The following USP13 variants were observed in gnomAD, a reference collection of about 807,000 sequenced individuals.
USP13 encodes the protein ubiquitin carboxyl-terminal hydrolase 13.
In USP13, 68 loss-of-function variants were observed where a neutral mutation model predicts 107.8. The ratio of observed to expected loss-of-function variants is 0.63; its 90% confidence interval spans 0.52 to 0.77. The LOEUF (loss-of-function observed/expected upper bound fraction) is 0.77, where lower values mean the gene tolerates loss of function less well. USP13 is among the 30% of genes least tolerant of loss of function. The probability of loss-of-function intolerance (pLI) is 0.00; values close to 1 mark genes in which losing one functional copy is unlikely to be tolerated. For missense variants in USP13, 945 were observed against 1,093.3 expected, an observed-to-expected ratio of 0.86 and a Z score of 1.91; for synonymous variants, 377 against 389.5, an observed-to-expected ratio of 0.97 and a Z score of 0.38.
At chr3:179,703,351 C>T (rs1187711518) in intron 4 of USP13, among the ~76,000 whole-genome samples, 2 of 152,186 alleles carry the variant, frequency 1.3e-5, no homozygotes, top group African/African-American at 4.8e-5. Flanking sequence ...TGAGCTCAAA[C>T]CATCTAACCA....
Position 179,653,607 on chromosome 3 carries a change from C to G in USP13, c.168+214C>G. ...GTGCTGGTGGTTTTGCTCCGCCAGC[C>G]TCCCCAGGCTGGAAGGGCCCGATTC... On this transcript the variant is annotated intron_variant, in intron 1 of 20. Transcript: ENST00000263966. The surrounding 1 kb of genome is among the most constrained non-coding windows in gnomAD (Gnocchi z 4.0). 3 of 633,030 alleles carry G rather than the reference C, an allele frequency of 4.7e-6. No individual in the cohort carries two copies. Among genetic ancestry groups the G allele is most frequent in the Non-Finnish European group, 7.7e-6 (3 of 387,962 alleles). 39.2% of individuals were successfully genotyped at this position (633,030 alleles called of 1,614,324 possible).
intron 3 of USP13, among the ~76,000 whole-genome samples, chr3:179,693,889 G>T (rs1480777671): frequency 1.3e-5 from 2 of 151,496 alleles, no homozygotes; most frequent in Non-Finnish European, 2.9e-5. Context: ...ATGTTGGTCA[G>T]GCTGGTCTCG....
chr3:179,669,520 G>A (rs902087381), intron 1 of USP13, among the ~76,000 whole-genome samples: 1 of 151,848 alleles, frequency 6.6e-6, no homozygotes, highest in African/African-American at 2.4e-5. Context: ...CCGTTTCCCT[G>A]TCTCTGCTGT....
intron 4 of USP13, among the ~76,000 whole-genome samples, chr3:179,702,308 C>G (rs1317026745): frequency 3.3e-5 from 5 of 152,152 alleles, no homozygotes; most frequent in Admixed American, 6.5e-5. Flanking sequence ...CGTGAGCCAC[C>G]GCGCCCGGCC....
At chr3:179,724,866 G>A (rs1172456888) in intron 8 of USP13, among the ~76,000 whole-genome samples, 1 of 152,172 alleles carries the variant, frequency 6.6e-6, no homozygotes, top group Admixed American at 6.5e-5. Flanking sequence ...TAGCAAAATG[G>A]ACTTCTCTCT....
At chr3:179,669,279 GGT>G (rs1272178286) in intron 1 of USP13, among the ~76,000 whole-genome samples, 1 of 152,100 alleles carries the variant, frequency 6.6e-6, no homozygotes, top group Non-Finnish European at 1.5e-5. Flanking sequence ...TAGCCAACAT[GGT>G]GAAACTCCAT....
chr3:179,780,096 G>T (rs1212952208), intron 19 of USP13, among the ~76,000 whole-genome samples: 5 of 152,206 alleles, frequency 3.3e-5, no homozygotes. Context: ...GTGATAAAAT[G>T]TATCTACAAA....
intron 19 of USP13, among the ~76,000 whole-genome samples, chr3:179,779,730 A>G (rs1715678056): frequency 6.6e-6 from 1 of 151,704 alleles, no homozygotes; most frequent in Admixed American, 6.6e-5. Flanking sequence ...AAAAAAAAAA[A>G]AAAAAAAGAA....
chr3:179,776,490 A>C (rs918896381), intron 19 of USP13, among the ~76,000 whole-genome samples: 1 of 152,218 alleles, frequency 6.6e-6, no homozygotes, highest in African/African-American at 2.4e-5. Flanking sequence ...TGGTAGTGTC[A>C]ACATTTGATG....
At chr3:179,696,221 T>C (rs370745672) in intron 3 of USP13, among the ~76,000 whole-genome samples, 3 of 152,270 alleles carry the variant, frequency 2.0e-5, no homozygotes, top group East Asian at 3.9e-4. Flanking sequence ...AGTAAAATAT[T>C]TTTTCTTTCA....
At chr3:179,746,557 C>T (rs1391507473) in intron 13 of USP13, among the ~76,000 whole-genome samples, 1 of 151,910 alleles carries the variant, frequency 6.6e-6, no homozygotes, top group African/African-American at 2.4e-5. Flanking sequence ...CTCAGCTTCC[C>T]GAGTAGCTGG....
At chr3:179,752,402 A>C (rs770807148) in intron 14 of USP13, 29 bp downstream of exon 14, 18 of 1,547,422 alleles carry the variant, frequency 1.2e-5, no homozygotes, top group Admixed American at 1.7e-5. Flanking sequence ...CTTTTGCTTA[A>C]AACATCAAAT....
chr3:179,672,009 A>G (rs769886505), intron 1 of USP13, among the ~76,000 whole-genome samples: 1 of 152,212 alleles, frequency 6.6e-6, no homozygotes, highest in Non-Finnish European at 1.5e-5. Flanking sequence ...TTGCTCACAT[A>G]AGCTCATGCT....
chr3:179,768,858 A>G (rs577404778), intron 19 of USP13, among the ~76,000 whole-genome samples: 1 of 152,338 alleles, frequency 6.6e-6, no homozygotes, highest in African/African-American at 2.4e-5. Flanking sequence ...CCTGTACTTT[A>G]CTATATTAGC....
At chr3:179,767,992 C>G (rs1715231816) in intron 19 of USP13, among the ~76,000 whole-genome samples, 1 of 152,156 alleles carries the variant, frequency 6.6e-6, no homozygotes, top group Non-Finnish European at 1.5e-5. Context: ...ATGTCGTTCT[C>G]CCAATTTCCA....
At chr3:179,700,283 C>T (rs1009171470) in intron 3 of USP13, among the ~76,000 whole-genome samples, 8 of 152,072 alleles carry the variant, frequency 5.3e-5, no homozygotes, top group African/African-American at 1.7e-4. Flanking sequence ...GCTTCCACCT[C>T]GGATCTACTA....
chr3:179,711,770 C>T lies in USP13; in HGVS notation c.805+2813C>T, dbSNP rs1712937747. Among the ~76,000 whole-genome samples the T allele has an allele frequency of 2.6e-5, 4 of 151,718 alleles. No individual in the cohort carries two copies. The South Asian group carries it at 6.3e-4, about 24-fold the overall frequency. On this transcript the variant is annotated intron_variant, in intron 6 of 20. Transcript: ENST00000263966. ...TGGAATGCCTTCTGAAGGACCTGCCCGAGGCTGTTGTACAGTTAACTTTTT... is the reference window on the plus strand; with the variant it reads ...TGGAATGCCTTCTGAAGGACCTGCCTGAGGCTGTTGTACAGTTAACTTTTT...
intron 10 of USP13, among the ~76,000 whole-genome samples, chr3:179,733,933 G>A (rs1489418364): frequency 6.6e-6 from 1 of 152,248 alleles, no homozygotes; most frequent in South Asian, 2.1e-4. Flanking sequence ...TTTGATCACC[G>A]CATTATCCTA....
At chr3:179,757,991 T>G (rs2108530863) in intron 16 of USP13, among the ~76,000 whole-genome samples, 1 of 152,344 alleles carries the variant, frequency 6.6e-6, no homozygotes, top group African/African-American at 2.4e-5. Flanking sequence ...CATTTAGCAT[T>G]TATTGTTCCA....
Sources: gnomAD v4.1 joint callset for allele counts (sites outside exome capture counted in the v4.1 genomes callset) on GRCh38, gnomAD v4.1.1 for gene constraint, Gnocchi (gnomAD v3.1) non-coding constraint, MANE v1.5 for transcripts, NCBI Gene and HGNC (gene_info 2026-07-23, HGNC 2026-07-21) for gene names.